FOXP1: variants seen among roughly 807,000 people sequenced by gnomAD.
FOXP1 encodes the protein forkhead box protein P1.
A neutral mutation model predicts 98.2 loss-of-function variants in FOXP1; 15 were observed. The ratio of observed to expected loss-of-function variants is 0.15; its 90% CI spans 0.10 to 0.24. FOXP1 has a LOEUF of 0.24. Among genes scored for constraint, FOXP1 ranks in the 10% least tolerant of loss-of-function variants. The pLI is 1.00. For synonymous variants in FOXP1, 371 were observed against 314.5 expected (o/e 1.18, Z -1.90); for missense variants, 633 against 848.5 (o/e 0.75, Z 3.15).
chr3:71,562,512 C>G (rs1031516806), intron 2 of FOXP1, among the ~76,000 whole-genome samples: 13 of 152,176 alleles, frequency 8.5e-5, no homozygotes, highest in African/African-American at 3.1e-4. Flanking sequence ...CAATGAACTA[C>G]TGCCTTTAAC....
chr3:71,205,739 C>T (rs2063989265), intron 5 of FOXP1, among the ~76,000 whole-genome samples: 1 of 152,164 alleles, frequency 6.6e-6, no homozygotes, highest in Admixed American at 6.5e-5. Context: ...CTCTGGAACG[C>T]AGGAGGTGCA....
intron 6 of FOXP1, among the ~76,000 whole-genome samples, chr3:71,124,418 A>G (rs1650692238): frequency 6.6e-6 from 1 of 151,942 alleles, no homozygotes; most frequent in Non-Finnish European, 1.5e-5. Flanking sequence ...AAACACCACA[A>G]TTGTTTACTA....
intron 5 of FOXP1, among the ~76,000 whole-genome samples, chr3:71,279,247 CATAAAATTTCA>C (rs2071256743): frequency 6.8e-6 from 1 of 147,960 alleles, no homozygotes; most frequent in Admixed American, 6.7e-5. Flanking sequence ...GGAATACATA[CATAAAATTTCA>C]ATATAAATCA....
chr3:71,174,824 A>ACACACACC lies in FOXP1; in HGVS notation c.180+23377_180+23378insGGTGTGTG, dbSNP rs1553767994. 6.7e-5 allele frequency among the ~76,000 whole-genome samples: 10 copies of ACACACACC among 149,390 alleles called. No individual in the cohort carries two copies. The South Asian group carries it at 1.9e-3, about 29-fold the overall frequency. ...CACACACACACACACACACACACAC[A>ACACACACC]CACCCCAATATACCCCAGGGTAGGA... On this transcript the variant is annotated intron_variant, in intron 6 of 20. Coordinates refer to ENST00000649528, the MANE Select transcript of FOXP1 (RefSeq NM_001349338.3).
At chr3:71,315,079 T>TAAAAAAAAAAAAAAAAAAAAAAAAAAAA (rs11355298) in intron 4 of FOXP1, among the ~76,000 whole-genome samples, 4 of 70,692 alleles carry the variant, frequency 5.7e-5, no homozygotes, top group African/African-American at 2.4e-4. Context: ...CTGGTCCATG[T>TAAAAAAAAAAAAAAAAAAAAAAAAAAAA]AAAAAAAAAA....
At chr3:71,167,365 A>C (rs2061441750) in intron 6 of FOXP1, among the ~76,000 whole-genome samples, 1 of 152,238 alleles carries the variant, frequency 6.6e-6, no homozygotes, top group Admixed American at 6.5e-5. Context: ...CTCAAGGAAG[A>C]AGCAACATAC....
At chr3:71,308,290 C>A (rs1006241173) in intron 4 of FOXP1, among the ~76,000 whole-genome samples, 1 of 152,194 alleles carries the variant, frequency 6.6e-6, no homozygotes, top group Non-Finnish European at 1.5e-5. Flanking sequence ...TTCAGAGTCA[C>A]TGACTTTTCA....
intron 3 of FOXP1, among the ~76,000 whole-genome samples, chr3:71,490,639 A>G (rs951290403): frequency 6.6e-6 from 1 of 152,246 alleles, no homozygotes; most frequent in African/African-American, 2.4e-5. Flanking sequence ...TGCCTTATTT[A>G]CAAAAATTCT....
At position 71,459,931 on chromosome 3, in the gene FOXP1, C is replaced by CGTTTTTTTTTTTTTTTT. The variant is rs1334419290; in HGVS notation, c.-168+33494_-168+33495insAAAAAAAAAAAAAAAAC. ...AAAATAATATATCAGGCCCCATCTT[C>CGTTTTTTTTTTTTTTTT]TTTTTTTTTTTTCTTTTTTTAAGAT... On this transcript the variant is annotated intron_variant, in intron 3 of 20. Coordinates refer to ENST00000649528, the MANE Select transcript of FOXP1 (RefSeq NM_001349338.3). 1.5e-5 allele frequency among the ~76,000 whole-genome samples: 2 copies of CGTTTTTTTTTTTTTTTT among 137,028 alleles called. 1 individual carries two copies. Among genetic ancestry groups the CGTTTTTTTTTTTTTTTT allele is most frequent in the Non-Finnish European group, 3.2e-5 (2 of 61,854 alleles). The allele number at this position is 137,028 out of a possible 152,430, so 89.9% of individuals were successfully genotyped here. A position where few individuals can be genotyped will look rare whatever the true frequency, so the allele number is the denominator to read the frequency against.
intron 6 of FOXP1, among the ~76,000 whole-genome samples, chr3:71,163,197 T>C (rs1410434625): frequency 6.6e-6 from 1 of 152,252 alleles, no homozygotes; most frequent in Admixed American, 6.5e-5. Flanking sequence ...ATCCAGGGTA[T>C]GTCTTTAACA....
chr3:71,085,735 C>CTTTTTTTT lies in FOXP1; in HGVS notation c.282+26793_282+26800dup, dbSNP rs56318177. The stretch of plus-strand genomic sequence containing the variant: ...TTGTATGGTGGGTATCATTTATGGC[C>CTTTTTTTT]TTTTTTTTTTTTTTACATGGAGTCT... On this transcript the variant is annotated intron_variant, in intron 7 of 20. Transcript: ENST00000649528. 9.7e-4 allele frequency among the ~76,000 whole-genome samples: 36 copies of CTTTTTTTT among 37,036 alleles called. 11 individuals are homozygous for CTTTTTTTT. The highest frequency in any genetic ancestry group is 1.2e-3 in the African/African-American group (12 of 10,124). The allele number at this position is 37,036 out of a possible 152,430, so 24.3% of individuals were successfully genotyped here.
chr3:71,406,750 T>G (rs1352112144), intron 3 of FOXP1, among the ~76,000 whole-genome samples: 1 of 152,184 alleles, frequency 6.6e-6, no homozygotes, highest in African/African-American at 2.4e-5. Flanking sequence ...GGTTGTGTTA[T>G]TCTGCCTTCC....
In FOXP1 at chr3:71,053,675, C is replaced by G. The variant is rs1165655870; in HGVS notation, c.381G>C (p.Gln127His). The G allele has an allele frequency of 6.2e-7, 1 of 1,614,102 alleles. No individual in the cohort carries two copies. ...GGGCCTGCTGCTGCTGGAGGAGAAC[C>G]TGGAGCTGCTGAGGGCTCAGCACTT... ...QQQVLSPQQL[Q>H]VLLQQQQALM... Residue 127 changes from glutamine to histidine, a missense_variant, in exon 8 of 21, where the codon CAG (glutamine) becomes CAC (histidine). Transcript: ENST00000649528.
chr3:71,023,046 A>G (rs868148543), intron 11 of FOXP1, among the ~76,000 whole-genome samples: 10 of 151,558 alleles, frequency 6.6e-5, no homozygotes, highest in Admixed American at 2.6e-4. Context: ...CCCCTTTCCC[A>G]CCTCCTTTGA....
intron 6 of FOXP1, among the ~76,000 whole-genome samples, chr3:71,182,494 C>CTA (rs373753696): frequency 9.1e-5 from 13 of 143,196 alleles, no homozygotes; most frequent in Admixed American, 2.1e-4. Flanking sequence ...AAAGTGTAAA[C>CTA]TATATATATG....
intron 5 of FOXP1, among the ~76,000 whole-genome samples, chr3:71,266,336 G>A (rs1522173): frequency 0.44 from 66,504 of 151,714 alleles, 15,023 homozygotes; most frequent in Middle Eastern, 0.55. Context: ...TGCAACCTCT[G>A]CCCCCCAGGT....
chr3:71,155,198 T>C (rs1162827299), intron 6 of FOXP1, among the ~76,000 whole-genome samples: 1 of 152,138 alleles, frequency 6.6e-6, no homozygotes, highest in Non-Finnish European at 1.5e-5. Context: ...TTTTTAAAGG[T>C]AACCAGGGAA....
At chr3:71,546,117 C>T (rs1243937787) in intron 2 of FOXP1, among the ~76,000 whole-genome samples, 1 of 152,134 alleles carries the variant, frequency 6.6e-6, no homozygotes, top group East Asian at 1.9e-4. Flanking sequence ...TTAATCCATA[C>T]AACACCTTCC....
chr3:71,149,423 A>G (rs2060468821), intron 6 of FOXP1, among the ~76,000 whole-genome samples: 1 of 152,200 alleles, frequency 6.6e-6, no homozygotes, highest in South Asian at 2.1e-4. Context: ...AAGACATGGG[A>G]TAAGAAAGCA....
Sources: gnomAD v4.1 joint callset for allele counts (sites outside exome capture counted in the v4.1 genomes callset) on GRCh38, gnomAD v4.1.1 for gene constraint, MANE v1.5 for transcripts, NCBI Gene and HGNC (gene_info 2026-07-23, HGNC 2026-07-21) for gene names.